The following ARHGEF9 variants were observed in gnomAD, a reference collection of about 807,000 sequenced individuals.
ARHGEF9 encodes the protein Cdc42 guanine nucleotide exchange factor 9.
Under a neutral mutation model 41.3 loss-of-function variants are expected in ARHGEF9, and 2 were observed. The ratio of observed to expected loss-of-function variants is 0.05; its 90% CI spans 0.02 to 0.15. The LOEUF is 0.15. Ranked by LOEUF, ARHGEF9 falls within the 10% of genes least tolerant of loss-of-function variation. ARHGEF9 has a pLI of 1.00. For synonymous variants in ARHGEF9, 160 were observed against 154.4 expected, an observed-to-expected ratio of 1.04 and a Z score of -0.27; for missense variants, 225 against 424.7, an observed-to-expected ratio of 0.53 and a Z score of 4.13.
At chrX:63,708,083 G>A (rs1556404024) in intron 2 of ARHGEF9, among the ~76,000 whole-genome samples, 1 of 110,811 alleles carries the variant, frequency 9.0e-6, no homozygotes, top group East Asian at 2.8e-4. Context: ...GTCCTTTAAT[G>A]CAATCAGTAA....
At chrX:63,710,424 C>G (rs1192524717) in intron 2 of ARHGEF9, among the ~76,000 whole-genome samples, 3 of 109,456 alleles carry the variant, frequency 2.7e-5, no homozygotes, top group Non-Finnish European at 5.7e-5. Context: ...TATAGAAATC[C>G]TCAATAAAAT....
At chrX:63,767,411 T>C in intron 1 of ARHGEF9, 1 of 396,356 alleles carries the variant, frequency 2.5e-6, no homozygotes, top group Admixed American at 3.1e-5. Flanking sequence ...ATGACTGCTT[T>C]TAAAAAATTT....
At chrX:63,688,366 C>T (rs1173709863) in intron 4 of ARHGEF9, among the ~76,000 whole-genome samples, 1 of 112,109 alleles carries the variant, frequency 8.9e-6, no homozygotes, top group Non-Finnish European at 1.9e-5. Context: ...CTTACATGAA[C>T]TGCTGAAGCC....
chrX:63,684,438 G>A (rs1322144846), intron 4 of ARHGEF9, among the ~76,000 whole-genome samples: 9 of 111,348 alleles, frequency 8.1e-5, no homozygotes, highest in African/African-American at 2.3e-4. Flanking sequence ...TATTGGTACA[G>A]CAGCCACTGT....
intron 8 of ARHGEF9, among the ~76,000 whole-genome samples, chrX:63,655,065 G>A (rs1258079472): frequency 8.9e-6 from 1 of 112,487 alleles, no homozygotes; most frequent in Non-Finnish European, 1.9e-5. Flanking sequence ...AGTGTGAAGT[G>A]TATGTGCATA....
At chrX:63,706,128 A>G in intron 3 of ARHGEF9, 130 bp downstream of exon 3, 5 of 673,145 alleles carry the variant, frequency 7.4e-6, no homozygotes, top group Non-Finnish European at 1.1e-5. Flanking sequence ...CTAAGGAAGC[A>G]GTTTCACCTC....
chrX:63,741,928 C>T (rs1477816343), intron 1 of ARHGEF9, among the ~76,000 whole-genome samples: 1 of 112,687 alleles, frequency 8.9e-6, no homozygotes, highest in Non-Finnish European at 1.9e-5. Context: ...GTGTGCATCA[C>T]ATATGATCTA....
At chrX:63,721,473 TCAGTAA>T (rs1241957326) in intron 2 of ARHGEF9, among the ~76,000 whole-genome samples, 3 of 111,007 alleles carry the variant, frequency 2.7e-5, no homozygotes, top group Admixed American at 1.9e-4. Context: ...TCACCTCCCA[TCAGTAA>T]CAGGTTGTCA....
At chrX:63,699,910 G>A (rs2052033092) in intron 3 of ARHGEF9, among the ~76,000 whole-genome samples, 1 of 112,146 alleles carries the variant, frequency 8.9e-6, no homozygotes, top group Admixed American at 9.4e-5. Flanking sequence ...GATTTGAAGG[G>A]ATTATGCAAA....
chrX:63,697,535 C>A (rs2051834301), intron 3 of ARHGEF9, among the ~76,000 whole-genome samples: 1 of 111,995 alleles, frequency 8.9e-6, no homozygotes, highest in African/African-American at 3.2e-5. Flanking sequence ...ACTCCAAAGT[C>A]TTTTCCCTCC....
intron 1 of ARHGEF9, among the ~76,000 whole-genome samples, chrX:63,763,524 T>G (rs1397486388): frequency 9.8e-6 from 1 of 101,830 alleles, no homozygotes; most frequent in African/African-American, 3.6e-5. Flanking sequence ...AAGTAGTATA[T>G]AGCCTAATGG....
intron 1 of ARHGEF9, among the ~76,000 whole-genome samples, chrX:63,750,819 T>C (rs181815417): frequency 1.1e-4 from 12 of 111,693 alleles, no homozygotes; most frequent in Non-Finnish European, 2.3e-4. Context: ...AATAATCTCA[T>C]AGCTGGACGA....
At position 63,635,306 on chromosome X, in the gene ARHGEF9, T is replaced by C. The variant is rs2047264516; in HGVS notation, c.*2722A>G. The C allele has an allele frequency of 1.9e-6, 1 of 519,355 alleles. No homozygotes were observed. 42.8% of individuals were successfully genotyped at this position (519,355 alleles called of 1,213,427 possible). A position where few individuals can be genotyped will look rare whatever the true frequency, so the allele number is the denominator to read the frequency against. ...AGAGGGGGGGAAAAAGAGAGAATAATTAGATGTCTGTCTTAGGACTCCCCA... is the reference window on the plus strand; with the variant it reads ...AGAGGGGGGGAAAAAGAGAGAATAACTAGATGTCTGTCTTAGGACTCCCCA... On this transcript the variant is annotated 3_prime_UTR_variant, in exon 10 of 10. Transcript: ENST00000671741.
Position 63,706,291 on chromosome X carries a change from A to T in ARHGEF9, c.369T>A (p.Arg123=). Residue 123 remains arginine (R), a synonymous_variant, in exon 3 of 10, where the codon CGT becomes CGA. Coordinates refer to ENST00000671741, the MANE Select transcript of ARHGEF9 (RefSeq NM_001353921.2). ...TATCCTTGAGGTGCTTGATGTAGTG[A>T]CGCTCAGTGCTCATTATCTCATTGA... ...NVINEIMSTE[R]HYIKHLKDIC... 1 of 1,204,933 alleles carries T rather than the reference A, an allele frequency of 8.3e-7. No homozygotes were observed. The highest frequency in any genetic ancestry group is 1.1e-6 in the Non-Finnish European group (1 of 892,160).
At chrX:63,781,825 C>T (rs2056386266) in intron 1 of ARHGEF9, among the ~76,000 whole-genome samples, 1 of 112,123 alleles carries the variant, frequency 8.9e-6, no homozygotes, top group African/African-American at 3.2e-5. Context: ...ATCCTTCTTC[C>T]ATGTACTAAT....
chrX:63,663,823 T>C (rs1556344312), intron 7 of ARHGEF9, among the ~76,000 whole-genome samples: 1 of 112,499 alleles, frequency 8.9e-6, no homozygotes, highest in Non-Finnish European at 1.9e-5. Context: ...GAAAGTCTTA[T>C]TGTAGATAAC....
In ARHGEF9 at chrX:63,697,324, C is replaced by A. The variant is rs782791050; in HGVS notation, c.403-20G>T. 8.3e-7 allele frequency: 1 copy of A among 1,207,071 alleles called. No homozygotes were observed. The highest frequency in any genetic ancestry group is 3.0e-5 in the East Asian group (1 of 33,827). ...ATAGCCCTGTAGACAAAGAAAAAGC[C>A]TAGGCTGAGGAAGTCCCTGACTTCC... On this transcript the variant is annotated intron_variant, in intron 3 of 9. Transcript: ENST00000671741.
intron 6 of ARHGEF9, chrX:63,671,261 T>C (rs2049941967): frequency 9.0e-6 from 1 of 111,678 alleles, no homozygotes; most frequent in Non-Finnish European, 1.9e-5. Context: ...AGACAACTTC[T>C]TGGGCAGGTG....
rs144418628 is a variant in ARHGEF9 at position 63,665,341 on chromosome X, G to A, written c.1077+545C>T. 7.7e-3 allele frequency among the ~76,000 whole-genome samples: 861 copies of A among 112,352 alleles called. 10 individuals are homozygous for A. Among genetic ancestry groups the A allele is most frequent in the African/African-American group, 0.026 (812 of 30,992 alleles). ...AAGAAGGAAGAGTGGAGAAGAGCAC[G>A]GTTGGGGGTTGTGGGGAACCAGTGC... On this transcript the variant is annotated intron_variant, in intron 7 of 9. Transcript: ENST00000671741.
Sources: gnomAD v4.1 joint callset for allele counts (sites outside exome capture counted in the v4.1 genomes callset) on GRCh38, gnomAD v4.1.1 for gene constraint, MANE v1.5 for transcripts, NCBI Gene and HGNC (gene_info 2026-07-23, HGNC 2026-07-21) for gene names.